The following KMT2C variants were observed in gnomAD, a reference collection of about 807,000 sequenced individuals.
KMT2C encodes the protein lysine methyltransferase 2C, also known as histone-lysine N-methyltransferase 2C.
A neutral mutation model predicts 507.9 loss-of-function variants in KMT2C; 88 were observed. The ratio of observed to expected loss-of-function variants is 0.17; its 90% confidence interval spans 0.15 to 0.21. KMT2C has a LOEUF of 0.21. Ranked by LOEUF, KMT2C falls within the 10% of genes least tolerant of loss-of-function variation. The pLI, the probability that KMT2C is intolerant of heterozygous loss-of-function variation, is 1.00. For synonymous variants in KMT2C, 2,049 were observed against 2,080.8 expected (o/e 0.98, Z 0.42); for missense variants, 4,954 against 5,957.8 (o/e 0.83, Z 5.55).
chr7:152,214,119 G>A (rs1436961858), intron 23 of KMT2C, among the ~76,000 whole-genome samples: 1 of 151,784 alleles, frequency 6.6e-6, no homozygotes, highest in Non-Finnish European at 1.5e-5. Flanking sequence ...ATGGTTGATA[G>A]GAATGTAAAT....
Position 152,182,271 on chromosome 7 carries a change from G to A in KMT2C, c.5589C>T (p.Pro1863=). ...GAGCCTGAGAAAGACTATCCTGGAT[G>A]GGAATCCGGGATGGGGCTGGAGGAG... is the stretch of plus-strand genomic sequence containing the variant. ...PPPPPAPSRI[P]IQDSLSQAQT... The change falls in exon 36 of 59, where the codon CCC becomes CCT. Residue 1863 remains proline (P), a synonymous_variant. Coordinates refer to ENST00000262189, the MANE Select transcript of KMT2C (RefSeq NM_170606.3). The A allele has an allele frequency of 6.2e-7, 1 of 1,614,082 alleles. No individual in the cohort carries two copies. The highest frequency in any genetic ancestry group is 8.5e-7 in the Non-Finnish European group (1 of 1,179,976).
rs542545943 is a variant in KMT2C at position 152,161,290 on chromosome 7, T to G, written c.11460+827A>C. Among the ~76,000 whole-genome samples, 34 of 152,296 alleles carry G rather than the reference T, an allele frequency of 2.2e-4. 1 individual carries two copies. The highest frequency in any genetic ancestry group is 8.5e-4 in the Admixed American group (13 of 15,296). On this transcript the variant is annotated intron_variant, in intron 43 of 58. Transcript: ENST00000262189. ...AAAAGATGAGCTTCATTAACAATCT[T>G]AAAATGAAAAAACTGGACAACTAAA...
In KMT2C at chr7:152,163,350, C is replaced by T; in HGVS notation, c.10227G>A (p.Glu3409=). The T allele has an allele frequency of 6.2e-7, 1 of 1,614,240 alleles. No individual in the cohort carries two copies. The highest frequency in any genetic ancestry group is 8.5e-7 in the Non-Finnish European group (1 of 1,180,044). ...CCTGCATGAGTTGGATCCGTTGTCTCTCTTGCTGTTCTCGTAAACGTTCCT... is the reference window on the plus strand; with the variant it reads ...CCTGCATGAGTTGGATCCGTTGTCTTTCTTGCTGTTCTCGTAAACGTTCCT... ...ERKERLREQQ[E]RQRIQLMQEV... The change falls in exon 43 of 59, where the codon GAG becomes GAA. Residue 3409 remains glutamate (E), a synonymous_variant. Transcript: ENST00000262189.
At chr7:152,179,766 C>T (rs1024695232) in intron 37 of KMT2C, 68 bp downstream of exon 37, 2 of 1,458,356 alleles carry the variant, frequency 1.4e-6, no homozygotes, top group Non-Finnish European at 1.9e-6. Context: ...AGGCACAAGC[C>T]ACCACACCCA....
intron 23 of KMT2C, among the ~76,000 whole-genome samples, chr7:152,213,781 G>C (rs1227155362): frequency 6.7e-6 from 1 of 149,354 alleles, no homozygotes; most frequent in African/African-American, 2.5e-5. Context: ...GGGGTGAAAA[G>C]GTAGCACAGG....
At position 152,146,754 on chromosome 7, in the gene KMT2C, A is replaced by G. The variant is rs758576652; in HGVS notation, c.13895-19T>C. 8 of 1,608,772 alleles carry G rather than the reference A, an allele frequency of 5.0e-6. No homozygotes were observed. Among genetic ancestry groups the G allele is most frequent in the East Asian group, 2.2e-5 (1 of 44,858 alleles). ...CAGACACCTACACAGGGACAAAAAC[A>G]TAATTTTTATAGGAAATAGGATACA... On this transcript the variant is annotated intron_variant, in intron 52 of 58. Coordinates refer to ENST00000262189, the MANE Select transcript of KMT2C (RefSeq NM_170606.3).
chr7:152,352,919 G>C (rs2097125010), intron 2 of KMT2C, among the ~76,000 whole-genome samples: 1 of 152,130 alleles, frequency 6.6e-6, no homozygotes, highest in Admixed American at 6.5e-5. Flanking sequence ...ATGACAACTT[G>C]AACACTAGGA....
In KMT2C at chr7:152,163,033, A is replaced by C; in HGVS notation, c.10544T>G (p.Phe3515Cys). 1 of 1,614,214 alleles carries C rather than the reference A, an allele frequency of 6.2e-7. No individual in the cohort carries two copies. The highest frequency in any genetic ancestry group is 1.1e-5 in the South Asian group (1 of 91,086). Residue 3515 changes from phenylalanine to cysteine, a missense_variant, in exon 43 of 59, where the codon TTT becomes TGT. Transcript: ENST00000262189. ...NERRQVGPPS[F>C]VPDSPSIPVG... ...AGGGATTGATGGTGAATCAGGAACA[A>C]ATGAAGGAGGGCCTACCTGCCTTCG...
chr7:152,277,102 TA>T (rs2096095504), intron 6 of KMT2C, among the ~76,000 whole-genome samples: 1 of 152,294 alleles, frequency 6.6e-6, no homozygotes, highest in East Asian at 1.9e-4. Context: ...AGTTGTATCA[TA>T]AAAAAATACC....
At chr7:152,335,424 A>G (rs116338747) in intron 2 of KMT2C, among the ~76,000 whole-genome samples, 3,117 of 152,290 alleles carry the variant, frequency 0.02, 118 homozygotes, top group African/African-American at 0.072. Context: ...AGGAATAAGA[A>G]TAGTGCCTTC....
intron 1 of KMT2C, among the ~76,000 whole-genome samples, chr7:152,359,564 G>C (rs974865493): frequency 1.3e-5 from 2 of 151,858 alleles, no homozygotes; most frequent in African/African-American, 2.4e-5. Context: ...GAGTGCAAGA[G>C]TTCAAGACCA....
At chr7:152,354,448 A>C (rs1277831129) in intron 2 of KMT2C, among the ~76,000 whole-genome samples, 3 of 152,232 alleles carry the variant, frequency 2.0e-5, no homozygotes, top group African/African-American at 7.2e-5. Flanking sequence ...AAATCCCCTG[A>C]CTTCATAAAG....
At chr7:152,212,606 A>G (rs2094479410) in intron 23 of KMT2C, among the ~76,000 whole-genome samples, 1 of 152,256 alleles carries the variant, frequency 6.6e-6, no homozygotes, top group South Asian at 2.1e-4. Context: ...ATTTCTTTAT[A>G]CAAATAATGA....
At chr7:152,204,305 A>T (rs1254380158) in intron 25 of KMT2C, among the ~76,000 whole-genome samples, 1 of 151,882 alleles carries the variant, frequency 6.6e-6, no homozygotes, top group Non-Finnish European at 1.5e-5. Flanking sequence ...CAAAAACAAA[A>T]TTTTTTTTAG....
Position 152,140,377 on chromosome 7 carries a change from G to T in KMT2C, c.14344-586C>A, listed in dbSNP as rs117169209. On this transcript the variant is annotated intron_variant, in intron 55 of 58. Coordinates refer to ENST00000262189, the MANE Select transcript of KMT2C (RefSeq NM_170606.3). ...ATTTTTCACTAATACAAAATTCTGA[G>T]GCTGGGAAAGAAGTTTGAACGGGCT... Among the ~76,000 whole-genome samples the T allele has an allele frequency of 3.2e-3, 483 of 152,274 alleles. 18 individuals carry two copies. In the East Asian group the frequency reaches 0.068, roughly 21 times the overall value.
rs1435008842 is a variant in KMT2C at position 152,423,023 on chromosome 7, AAAAAAAAG to A, written c.161+12595_161+12602del. Among the ~76,000 whole-genome samples the A allele has an allele frequency of 2.9e-4, 44 of 149,214 alleles. No homozygotes were observed. The South Asian group carries it at 3.2e-3, about 11-fold the overall frequency. ...CAGAGCGAGACTCTCATCTCAAAAA[AAAAAAAAG>A]AAAAAAAGAAAAAAAAACTACATTC... On this transcript the variant is annotated intron_variant, in intron 1 of 58. Transcript: ENST00000262189.
chr7:152,317,630 T>C (rs115846309), intron 3 of KMT2C, among the ~76,000 whole-genome samples: 1,970 of 152,322 alleles, frequency 0.013, 46 homozygotes, highest in African/African-American at 0.045. Flanking sequence ...ACAGTGAGAC[T>C]ATGTTAACAC....
chr7:152,428,028 GT>G, intron 1 of KMT2C, among the ~76,000 whole-genome samples: 1 of 151,990 alleles, frequency 6.6e-6, no homozygotes, highest in Non-Finnish European at 1.5e-5. Flanking sequence ...TTACCACAGT[GT>G]TTTTTTAATA....
At chr7:152,203,210 G>GT in intron 25 of KMT2C, 146 bp from the exon 26 acceptor site, 4 of 559,008 alleles carry the variant, frequency 7.2e-6, no homozygotes, top group Non-Finnish European at 1.1e-5. Context: ...AATCAAGTTT[G>GT]TTACTTTTAA....
Sources: gnomAD v4.1 joint callset for allele counts (sites outside exome capture counted in the v4.1 genomes callset) on GRCh38, gnomAD v4.1.1 for gene constraint, MANE v1.5 for transcripts, NCBI Gene and HGNC (gene_info 2026-07-23, HGNC 2026-07-21) for gene names.